The following TMEM132D variants were observed in gnomAD, a reference collection of about 807,000 sequenced individuals.
TMEM132D encodes transmembrane protein 132D.
In TMEM132D, 21 loss-of-function variants were observed where a neutral mutation model predicts 62.3. That is an observed-to-expected ratio of 0.34 (90% CI 0.24 to 0.49). TMEM132D has a LOEUF of 0.49. Ranked by LOEUF, TMEM132D falls within the 20% of genes least tolerant of loss-of-function variation. The pLI is 0.99. For synonymous variants in TMEM132D, 621 were observed against 575.6 expected (o/e 1.08, Z -1.13); for missense variants, 1,346 against 1,402.8 (o/e 0.96, Z 0.65).
At chr12:129,611,996 G>A (rs562169223) in intron 2 of TMEM132D, among the ~76,000 whole-genome samples, 9 of 152,258 alleles carry the variant, frequency 5.9e-5, no homozygotes, top group African/African-American at 1.2e-4. Flanking sequence ...GTGGCCGGTC[G>A]CAGTACCCTA....
At chr12:129,521,991 T>C (rs1428312718) in intron 3 of TMEM132D, among the ~76,000 whole-genome samples, 2 of 152,118 alleles carry the variant, frequency 1.3e-5, no homozygotes, top group African/African-American at 4.8e-5. Context: ...CTAAAACTCA[T>C]TTAACTGTGT....
intron 2 of TMEM132D, among the ~76,000 whole-genome samples, chr12:129,627,729 G>A (rs533060901): frequency 6.6e-5 from 10 of 152,306 alleles, no homozygotes; most frequent in Non-Finnish European, 7.4e-5. Context: ...GCTCCTGCCT[G>A]TAATCCTAGC....
chr12:129,806,704 A>T (rs1871995061), intron 1 of TMEM132D, among the ~76,000 whole-genome samples: 1 of 152,030 alleles, frequency 6.6e-6, no homozygotes, highest in African/African-American at 2.4e-5. Flanking sequence ...AATAAAAGAA[A>T]AAAATAAAAA....
intron 1 of TMEM132D, among the ~76,000 whole-genome samples, chr12:129,724,609 G>A (rs775751558): frequency 5.9e-5 from 9 of 152,022 alleles, no homozygotes; most frequent in South Asian, 2.1e-4. Flanking sequence ...CGCAACCCCC[G>A]CCTCCCTGGT....
chr12:129,774,182 C>T (rs769319270), intron 1 of TMEM132D, among the ~76,000 whole-genome samples: 2 of 152,132 alleles, frequency 1.3e-5, no homozygotes, highest in African/African-American at 2.4e-5. Flanking sequence ...CCAGGCCCCC[C>T]CAAAGAAGGG....
intron 1 of TMEM132D, among the ~76,000 whole-genome samples, chr12:129,723,062 A>G (rs1868899795): frequency 6.6e-6 from 1 of 151,870 alleles, no homozygotes; most frequent in Admixed American, 6.6e-5. Context: ...ATTTCCAATG[A>G]CCCTCTGTGC....
At chr12:129,078,783 C>T (rs900843827) in intron 7 of TMEM132D, 58 bp from the exon 8 acceptor site, 3 of 1,569,316 alleles carry the variant, frequency 1.9e-6, no homozygotes, top group Non-Finnish European at 2.6e-6. Context: ...GCAATGCCTC[C>T]AGTCACAGGA....
chr12:129,665,401 T>G (rs1002575797), intron 2 of TMEM132D, among the ~76,000 whole-genome samples: 1 of 151,980 alleles, frequency 6.6e-6, no homozygotes, highest in Admixed American at 6.5e-5. Flanking sequence ...AGCTACTTAA[T>G]AAATGTGGGA....
At chr12:129,181,926 T>C (rs1363857264) in intron 5 of TMEM132D, among the ~76,000 whole-genome samples, 1 of 152,222 alleles carries the variant, frequency 6.6e-6, no homozygotes, top group African/African-American at 2.4e-5. Flanking sequence ...AACTTCTCTG[T>C]TTTCTCACCA....
intron 4 of TMEM132D, among the ~76,000 whole-genome samples, chr12:129,269,066 GC>G (rs1170328946): frequency 1.1e-4 from 17 of 151,632 alleles, no homozygotes; most frequent in East Asian, 1.9e-4. Flanking sequence ...TATACCTAAT[GC>G]TAAATGACGA....
intron 4 of TMEM132D, among the ~76,000 whole-genome samples, chr12:129,304,704 G>A (rs1209458610): frequency 1.7e-5 from 2 of 117,236 alleles, no homozygotes; most frequent in Non-Finnish European, 3.2e-5. Flanking sequence ...GTCTTGCTCT[G>A]TCAGGCTGGA....
At chr12:129,756,091 C>A (rs77593284) in intron 1 of TMEM132D, among the ~76,000 whole-genome samples, 1,929 of 152,048 alleles carry the variant, frequency 0.013, 18 homozygotes, top group Non-Finnish European at 0.017. Context: ...CTCAGGGAGG[C>A]GAAGAGTAGA....
rs144411254 is a variant in TMEM132D at position 129,157,176 on chromosome 12, C to T, written c.1443+52344G>A. Among the ~76,000 whole-genome samples, 255 of 152,360 alleles carry T rather than the reference C, an allele frequency of 1.7e-3. 1 individual carries two copies. Among genetic ancestry groups the T allele is most frequent in the Non-Finnish European group, 3.0e-3 (205 of 68,026 alleles). ...ACTCACTCCCATCATAACTAGCCTA[C>T]TCCCAAGATAACTAACCCACTCCTG... On this transcript the variant is annotated intron_variant, in intron 5 of 8. Transcript: ENST00000422113.
rs563292681 is a variant in TMEM132D, at chr12:129,440,715, G to T, written c.1115+90344C>A. Among the ~76,000 whole-genome samples, 79 of 152,324 alleles carry T rather than the reference G, an allele frequency of 5.2e-4. 1 individual carries two copies. The highest frequency in any genetic ancestry group is 1.8e-3 in the African/African-American group (75 of 41,570). On this transcript the variant is annotated intron_variant, in intron 3 of 8. Transcript: ENST00000422113. ...GATGTCTGCTGGCTACATGACGGAT[G>T]CAGATACCCTTTTACTTCCCTCTCG...
rs182079217 is a variant in TMEM132D at position 129,428,524 on chromosome 12, G to C, written c.1116-90707C>G. ...CTTGGAGGAGGAATTTCACCACTAC[G>C]TATGCTGGAGAGATTTCAGAGACTT... On this transcript the variant is annotated intron_variant, in intron 3 of 8. Transcript: ENST00000422113. Among the ~76,000 whole-genome samples the C allele has an allele frequency of 2.6e-5, 4 of 152,292 alleles. No individual in the cohort carries two copies. In the East Asian group the frequency reaches 7.7e-4, roughly 29 times the overall value.
At chr12:129,727,035 A>T (rs11060517) in intron 1 of TMEM132D, among the ~76,000 whole-genome samples, 21,950 of 152,172 alleles carry the variant, frequency 0.14, 1,744 homozygotes, top group South Asian at 0.25. Flanking sequence ...CAGAATTTTT[A>T]AAAATTCCCA....
intron 3 of TMEM132D, among the ~76,000 whole-genome samples, chr12:129,475,832 A>G (rs759415287): frequency 2.6e-5 from 4 of 152,158 alleles, no homozygotes; most frequent in African/African-American, 4.8e-5. Context: ...AATATTCTGG[A>G]AAGTTGAACA....
intron 1 of TMEM132D, chr12:129,853,688 T>C (rs1873617709): frequency 6.6e-6 from 1 of 152,152 alleles, no homozygotes; most frequent in African/African-American, 2.4e-5. Flanking sequence ...TCTGAGGAGT[T>C]ATGGAAGACA....
At position 129,827,428 on chromosome 12, in the gene TMEM132D, C is replaced by T. The variant is rs1872691944; in HGVS notation, c.79+75833G>A. Among the ~76,000 whole-genome samples the T allele has an allele frequency of 6.6e-6, 1 of 152,140 alleles. No homozygotes were observed. The highest frequency in any genetic ancestry group is 1.9e-4 in the East Asian group (1 of 5,188). On this transcript the variant is annotated intron_variant, in intron 1 of 8. Coordinates refer to ENST00000422113, the MANE Select transcript of TMEM132D (RefSeq NM_133448.3). The surrounding 1 kb of genome is among the most constrained non-coding windows in gnomAD (Gnocchi z 9.7). ...CTGAACCAAAACAGGCTTTCTTCTC[C>T]CTTCCATGGTCCTCATATAAGCAAG...
Sources: gnomAD v4.1 joint callset for allele counts (sites outside exome capture counted in the v4.1 genomes callset) on GRCh38, gnomAD v4.1.1 for gene constraint, Gnocchi (gnomAD v3.1) non-coding constraint, MANE v1.5 for transcripts, NCBI Gene and HGNC (gene_info 2026-07-23, HGNC 2026-07-21) for gene names.